The following ROCK1 variants were observed in gnomAD, a reference collection of about 807,000 sequenced individuals.
ROCK1 encodes rho-associated protein kinase 1.
In ROCK1, 36 loss-of-function variants were observed where a neutral mutation model predicts 196.8. That is an observed-to-expected ratio of 0.18 (90% confidence interval 0.14 to 0.24). ROCK1 has a LOEUF of 0.24. ROCK1 is among the 10% of genes least tolerant of loss of function. The pLI is 1.00. For synonymous variants in ROCK1, 443 were observed against 515.9 expected (o/e 0.86, Z 1.91); for missense variants, 920 against 1,562.0 (o/e 0.59, Z 6.93).
At chr18:21,058,129 C>A (rs530876483) in intron 2 of ROCK1, among the ~76,000 whole-genome samples, 1 of 152,084 alleles carries the variant, frequency 6.6e-6, no homozygotes, top group African/African-American at 2.4e-5. Context: ...TATACTGATA[C>A]ACAGATATGG....
chr18:21,092,361 TG>T (rs1239921476), intron 1 of ROCK1, among the ~76,000 whole-genome samples: 2 of 151,968 alleles, frequency 1.3e-5, no homozygotes, highest in Non-Finnish European at 2.9e-5. Context: ...GTGGGAGGAT[TG>T]CTTGAGCCCA....
intron 29 of ROCK1, among the ~76,000 whole-genome samples, chr18:20,959,087 T>TTATATAATATATATATTATATATATATTA (rs2035290451): frequency 1.7e-3 from 53 of 30,288 alleles, no homozygotes; most frequent in South Asian, 3.7e-3. Context: ...TATATATATT[T>TTATATAATATATATATTATATATATATTA]TATATAATAT....
At chr18:20,978,207 A>C (rs1364180060) in intron 22 of ROCK1, among the ~76,000 whole-genome samples, 17 of 150,956 alleles carry the variant, frequency 1.1e-4, no homozygotes, top group Admixed American at 9.2e-4. Flanking sequence ...ATTCCAACAA[A>C]AAAAAAAAAA....
At chr18:21,030,885 G>T (rs1264272921) in intron 9 of ROCK1, among the ~76,000 whole-genome samples, 2 of 152,160 alleles carry the variant, frequency 1.3e-5, no homozygotes, top group Non-Finnish European at 2.9e-5. Context: ...CAACCATTGA[G>T]TTGGCAAAAA....
At chr18:21,084,646 G>A (rs1379941587) in intron 1 of ROCK1, among the ~76,000 whole-genome samples, 1 of 152,150 alleles carries the variant, frequency 6.6e-6, no homozygotes, top group Non-Finnish European at 1.5e-5. Context: ...TAATGAAACT[G>A]GAACCCTTGG....
At chr18:20,979,380 T>C (rs2035509134) in intron 22 of ROCK1, among the ~76,000 whole-genome samples, 1 of 152,142 alleles carries the variant, frequency 6.6e-6, no homozygotes, top group Non-Finnish European at 1.5e-5. Context: ...TCCCAGCACT[T>C]TGGGAGGCCA....
Position 21,020,061 on chromosome 18 carries a change from T to G in ROCK1, c.1361+90A>C, listed in dbSNP as rs2035901303. ...TAATCTTTACATCCTCATTTTCTAT[T>G]TACTTTCAGATGTTTACAGGGTATA... is the stretch of plus-strand genomic sequence containing the variant. On this transcript the variant is annotated intron_variant, in intron 12 of 32. Coordinates refer to ENST00000399799, the MANE Select transcript of ROCK1 (RefSeq NM_005406.3). The G allele has an allele frequency of 4.7e-5, 32 of 675,478 alleles. No individual in the cohort carries two copies. The South Asian group carries it at 6.2e-4, about 13-fold the overall frequency. The allele number at this position is 675,478 out of a possible 1,614,324, so 41.8% of individuals were successfully genotyped here.
chr18:21,004,675 T>C (rs187626719), intron 16 of ROCK1, among the ~76,000 whole-genome samples: 3 of 152,162 alleles, frequency 2.0e-5, no homozygotes, highest in African/African-American at 7.2e-5. Context: ...AATTTTAGAA[T>C]TGGAAGGATT....
At chr18:20,956,507 T>C (rs1209938076) in intron 29 of ROCK1, among the ~76,000 whole-genome samples, 1 of 152,162 alleles carries the variant, frequency 6.6e-6, no homozygotes, top group Non-Finnish European at 1.5e-5. Context: ...GTGGAATTGA[T>C]CCCAAAACCC....
rs1157372692 is a variant in ROCK1 at position 21,006,571 on chromosome 18, C to T, written c.1665G>A (p.Arg555=). ...KQLEEANDLL[R]TESDTAVRLR... ...ATCTTACAGCTGTGTCCGATTCTGT[C>T]CTAAGTAAGTCATTGGCTTCTTCTA... is the stretch of plus-strand genomic sequence containing the variant. Residue 555 remains arginine, a synonymous_variant, in exon 16 of 33, where the codon AGG becomes AGA. Coordinates refer to ENST00000399799, the MANE Select transcript of ROCK1 (RefSeq NM_005406.3). 6 of 1,613,508 alleles carry T rather than the reference C, an allele frequency of 3.7e-6. No individual in the cohort carries two copies. The African/African-American group carries it at 8.0e-5, about 22-fold the overall frequency.
At chr18:21,110,576 G>A (rs1402986845) in intron 1 of ROCK1, among the ~76,000 whole-genome samples, 5 of 152,068 alleles carry the variant, frequency 3.3e-5, no homozygotes, top group African/African-American at 1.2e-4. Context: ...AGTATCTTTC[G>A]GGTACTCATG....
intron 22 of ROCK1, among the ~76,000 whole-genome samples, chr18:20,971,292 C>T (rs2035423441): frequency 7.5e-6 from 1 of 133,424 alleles, no homozygotes; most frequent in Non-Finnish European, 1.6e-5. Flanking sequence ...AAGAGGGAGA[C>T]ATATAGTAAA....
intron 2 of ROCK1, among the ~76,000 whole-genome samples, chr18:21,068,328 A>G (rs1198023745): frequency 6.6e-6 from 1 of 152,136 alleles, no homozygotes; most frequent in Non-Finnish European, 1.5e-5. Context: ...GCACAGGTCT[A>G]TTTCTAGATG....
intron 1 of ROCK1, among the ~76,000 whole-genome samples, chr18:21,106,372 G>A (rs530004376): frequency 9.9e-5 from 15 of 152,128 alleles, no homozygotes; most frequent in African/African-American, 3.1e-4. Flanking sequence ...GCACAATCTC[G>A]GCTCACTGCA....
chr18:20,964,854 G>A (rs947875384), intron 27 of ROCK1, among the ~76,000 whole-genome samples: 1 of 152,134 alleles, frequency 6.6e-6, no homozygotes, highest in Non-Finnish European at 1.5e-5. Context: ...ATGGCACTAT[G>A]AGCTTAGCCT....
At chr18:21,023,561 ATATAT>A in intron 11 of ROCK1, 54 bp downstream of exon 11, 2 of 936,946 alleles carry the variant, frequency 2.1e-6, no homozygotes, top group South Asian at 3.6e-5. Flanking sequence ...ATACCCACAA[ATATAT>A]TATCCACAAA....
At chr18:20,975,662 G>T (rs1163459775) in intron 22 of ROCK1, among the ~76,000 whole-genome samples, 1 of 152,066 alleles carries the variant, frequency 6.6e-6, no homozygotes, top group East Asian at 1.9e-4. Flanking sequence ...CCAGGATGGA[G>T]TGCCGTGGCA....
At chr18:21,062,574 C>T (rs1286385513) in intron 2 of ROCK1, among the ~76,000 whole-genome samples, 2 of 152,044 alleles carry the variant, frequency 1.3e-5, no homozygotes, top group African/African-American at 4.8e-5. Flanking sequence ...GGCAAATCTT[C>T]CCTACAGAAT....
At chr18:20,974,851 T>A (rs1318504509) in intron 22 of ROCK1, among the ~76,000 whole-genome samples, 1 of 152,240 alleles carries the variant, frequency 6.6e-6, no homozygotes, top group East Asian at 1.9e-4. Flanking sequence ...TCTGATCTCC[T>A]TCCCATGCTC....
Sources: gnomAD v4.1 joint callset for allele counts (sites outside exome capture counted in the v4.1 genomes callset) on GRCh38, gnomAD v4.1.1 for gene constraint, MANE v1.5 for transcripts, NCBI Gene and HGNC (gene_info 2026-07-23, HGNC 2026-07-21) for gene names.